The following RNF144A variants were observed in gnomAD, a reference collection of about 807,000 sequenced individuals.
RNF144A encodes E3 ubiquitin-protein ligase RNF144A.
Under a neutral mutation model 38.7 loss-of-function variants are expected in RNF144A, and 11 were observed. That is an observed-to-expected ratio of 0.28 (90% CI 0.18 to 0.47). The LOEUF (loss-of-function observed/expected upper bound fraction) is 0.47, where lower values mean the gene tolerates loss of function less well. Ranked by LOEUF, RNF144A falls within the 20% of genes least tolerant of loss-of-function variation. The pLI is 0.99. For missense variants in RNF144A, 316 were observed against 377.2 expected, an observed-to-expected ratio of 0.84 and a Z score of 1.34; for synonymous variants, 149 against 143.9, an observed-to-expected ratio of 1.04 and a Z score of -0.25.
intron 2 of RNF144A, among the ~76,000 whole-genome samples, chr2:6,945,488 T>G (rs1666277771): frequency 6.6e-6 from 1 of 152,210 alleles, no homozygotes; most frequent in African/African-American, 2.4e-5. Context: ...GTCAGTCTTC[T>G]CTGAGCCTTC....
rs1013631658 is a variant in RNF144A at position 6,917,642 on chromosome 2, C to G, written c.-212+20C>G. 1 of 147,764 alleles carries G rather than the reference C, an allele frequency of 6.8e-6. No individual in the cohort carries two copies. Among genetic ancestry groups the G allele is most frequent in the African/African-American group, 2.4e-5 (1 of 41,002 alleles). The allele number at this position is 147,764 out of a possible 1,614,324, so 9.2% of individuals were successfully genotyped here. A position where few individuals can be genotyped will look rare whatever the true frequency, so the allele number is the denominator to read the frequency against. On this transcript the variant is annotated intron_variant, in intron 1 of 8. Coordinates refer to ENST00000320892, the MANE Select transcript of RNF144A (RefSeq NM_014746.6). The surrounding 1 kb of genome is among the most constrained non-coding windows in gnomAD (Gnocchi z 4.8). The stretch of plus-strand genomic sequence containing the variant: ...GCCCAGGTAGAGTGACGCGCGTCCC[C>G]TTTGTGTCCGCATCGCCCGGGCCGG...
At chr2:7,049,581 G>C (rs1673439381) in intron 6 of RNF144A, among the ~76,000 whole-genome samples, 2 of 152,218 alleles carry the variant, frequency 1.3e-5, no homozygotes, top group Admixed American at 1.3e-4. Context: ...ACACGAAAAT[G>C]AGGTTGCAGT....
chr2:7,001,159 G>T (rs1558420903), intron 3 of RNF144A, among the ~76,000 whole-genome samples: 1 of 151,990 alleles, frequency 6.6e-6, no homozygotes, highest in Non-Finnish European at 1.5e-5. Flanking sequence ...AAGTATCTGG[G>T]CGTGGTGGCG....
At position 6,943,385 on chromosome 2, in the gene RNF144A, T is replaced by C. The variant is rs965733564; in HGVS notation, c.-12+2238T>C. ...AGTGGCTGTGGCCACACAAGCTGGA[T>C]TGGAGAGAAGAATGCAGGGGAGGAA... On this transcript the variant is annotated intron_variant, in intron 2 of 8. Coordinates refer to ENST00000320892, the MANE Select transcript of RNF144A (RefSeq NM_014746.6). This position sits in a 1 kb window ranked among gnomAD's most constrained non-coding sequence, Gnocchi z 4.3. Among the ~76,000 whole-genome samples the C allele has an allele frequency of 1.3e-5, 2 of 152,054 alleles. No homozygotes were observed. The highest frequency in any genetic ancestry group is 4.8e-5 in the African/African-American group (2 of 41,388).
chr2:7,075,960 AG>A, the RNF144A span, among the ~76,000 whole-genome samples: 17 of 152,356 alleles, frequency 1.1e-4, no homozygotes, highest in African/African-American at 3.8e-4. Context: ...TGGTCAAAAA[AG>A]TTTGAAAAAT....
chr2:7,029,397 A>G (rs998744244), intron 7 of RNF144A, among the ~76,000 whole-genome samples: 7 of 152,166 alleles, frequency 4.6e-5, no homozygotes, highest in African/African-American at 1.7e-4. Flanking sequence ...AGAGACCAAC[A>G]TGTGTGAGGG....
chr2:6,953,723 A>G (rs879493942), intron 2 of RNF144A, among the ~76,000 whole-genome samples: 1 of 152,148 alleles, frequency 6.6e-6, no homozygotes, highest in Non-Finnish European at 1.5e-5. Flanking sequence ...GTGAATTCCC[A>G]GTTTATTGGT....
At position 7,040,489 on chromosome 2, in the gene RNF144A, G is replaced by A. The variant is rs920209705; in HGVS notation, c.*729G>A. On this transcript the variant is annotated 3_prime_UTR_variant, in exon 9 of 9. Transcript: ENST00000320892. The stretch of plus-strand genomic sequence containing the variant: ...GTTGCATTTCCTTGATAATATTGAC[G>A]TGTTTAAAGGAACATCTCATCTCCA... The A allele has an allele frequency of 7.1e-6, 7 of 985,128 alleles. No individual in the cohort carries two copies. Among genetic ancestry groups the A allele is most frequent in the South Asian group, 4.7e-5 (1 of 21,292 alleles). 61.0% of individuals were successfully genotyped at this position (985,128 alleles called of 1,614,324 possible). A position where few individuals can be genotyped will look rare whatever the true frequency, so the allele number is the denominator to read the frequency against.
At chr2:6,984,954 A>G (rs1668856556) in intron 2 of RNF144A, among the ~76,000 whole-genome samples, 1 of 152,244 alleles carries the variant, frequency 6.6e-6, no homozygotes, top group African/African-American at 2.4e-5. Flanking sequence ...AATGTAAAGC[A>G]GCTGTTATCA....
chr2:7,051,427 A>G (rs933681728), intron 6 of RNF144A, among the ~76,000 whole-genome samples: 2 of 152,176 alleles, frequency 1.3e-5, no homozygotes, highest in African/African-American at 4.8e-5. Flanking sequence ...TGGTGCTGAC[A>G]CAATAAGATA....
chr2:6,948,077 A>G (rs1666454828), intron 2 of RNF144A, among the ~76,000 whole-genome samples: 1 of 152,228 alleles, frequency 6.6e-6, no homozygotes, highest in Non-Finnish European at 1.5e-5. Flanking sequence ...TGGTGGAGCC[A>G]TGCTGCACGG....
chr2:6,993,117 G>A (rs1669501254), intron 2 of RNF144A, among the ~76,000 whole-genome samples: 1 of 152,012 alleles, frequency 6.6e-6, no homozygotes, highest in African/African-American at 2.4e-5. Context: ...GGTCCATGAT[G>A]GGTTTAGACA....
intron 3 of RNF144A, among the ~76,000 whole-genome samples, chr2:7,014,009 C>T (rs1210113054): frequency 6.6e-6 from 1 of 152,206 alleles, no homozygotes; most frequent in Admixed American, 6.5e-5. Flanking sequence ...ACTCAGTTTT[C>T]ACATATGAAA....
intron 3 of RNF144A, among the ~76,000 whole-genome samples, chr2:7,012,926 A>G (rs1292419975): frequency 6.6e-6 from 1 of 152,236 alleles, no homozygotes; most frequent in African/African-American, 2.4e-5. Flanking sequence ...GCCCAGGCAG[A>G]TCAAAAGAAC....
chr2:7,069,932 T>C (rs1674396492), downstream of RNF144A, among the ~76,000 whole-genome samples: 1 of 152,248 alleles, frequency 6.6e-6, no homozygotes, highest in South Asian at 2.1e-4. Context: ...GCTTGAACTT[T>C]TCAAGGTTTT....
intron 5 of RNF144A, among the ~76,000 whole-genome samples, chr2:7,015,388 T>A (rs549300549): frequency 6.6e-6 from 1 of 152,298 alleles, no homozygotes; most frequent in South Asian, 2.1e-4. Flanking sequence ...TTTCTAAATA[T>A]AGTGGGTGCT....
intron 2 of RNF144A, among the ~76,000 whole-genome samples, chr2:6,985,434 T>A (rs1668890604): frequency 6.6e-6 from 1 of 152,130 alleles, no homozygotes; most frequent in South Asian, 2.1e-4. Context: ...TAGAACTTCC[T>A]AGGAACCTAA....
chr2:7,042,456 G>A lies in RNF144A; in HGVS notation c.*2696G>A, dbSNP rs1164520377. On this transcript the variant is annotated 3_prime_UTR_variant, in exon 9 of 9. Transcript: ENST00000320892. ...AGCATATGGCATGTGTTCACTAAGA[G>A]GCCTTTAATCCTGGGGAGTAAGGGG... is the stretch of plus-strand genomic sequence containing the variant. 3.2e-5 allele frequency: 32 copies of A among 985,376 alleles called. No homozygotes were observed. The highest frequency in any genetic ancestry group is 3.6e-5 in the Non-Finnish European group (30 of 829,954). 61.0% of individuals were successfully genotyped at this position (985,376 alleles called of 1,614,324 possible).
chr2:6,953,313 C>T (rs554116761), intron 2 of RNF144A, among the ~76,000 whole-genome samples: 3 of 152,166 alleles, frequency 2.0e-5, no homozygotes, highest in East Asian at 1.9e-4. Flanking sequence ...CCTGTAATCC[C>T]AGCTACTCGG....
Sources: gnomAD v4.1 joint callset for allele counts (sites outside exome capture counted in the v4.1 genomes callset) on GRCh38, gnomAD v4.1.1 for gene constraint, Gnocchi (gnomAD v3.1) non-coding constraint, MANE v1.5 for transcripts, NCBI Gene and HGNC (gene_info 2026-07-23, HGNC 2026-07-21) for gene names.